The following IL37 variants were observed in gnomAD, a reference collection of about 807,000 sequenced individuals.
IL37 encodes the protein interleukin-37.
A neutral mutation model predicts 15.4 loss-of-function variants in IL37; 15 were observed. The observed-to-expected ratio is 0.98, with a 90% confidence interval of 0.65 to 1.50. The LOEUF is 1.50. Ranked by LOEUF, IL37 falls within the 40% of genes most tolerant of loss-of-function variation. IL37 has a pLI of 0.00. For missense variants in IL37, 269 were observed against 261.7 expected, an observed-to-expected ratio of 1.03 and a Z score of -0.19; for synonymous variants, 98 against 97.4, an observed-to-expected ratio of 1.01 and a Z score of -0.03.
chr2:112,917,496 T>C, intron 4 of IL37, 139 bp from the exon 5 acceptor site: 1 of 970,286 alleles, frequency 1.0e-6, no homozygotes, highest in Non-Finnish European at 1.5e-6. Context: ...AAGAGGAGGC[T>C]TAAACCAGTG....
Position 112,918,591 on chromosome 2 carries a change from A to C in IL37, c.439A>C (p.Lys147Gln). ...KEKLMKLAAQKESARRPFIFY... is the reference protein window; with the variant it reads ...KEKLMKLAAQQESARRPFIFY... ...GAAACTGATGAAGCTGGCTGCCCAA[A>C]AGGAATCAGCACGCCGGCCCTTCAT... Residue 147 changes from lysine to glutamine, a missense_variant, in exon 6 of 6, where the codon AAG becomes CAG. Lys to Gln is a moderately conservative substitution (Grantham distance 53, BLOSUM62 1). Transcript: ENST00000263326. The C allele has an allele frequency of 6.2e-7, 1 of 1,612,644 alleles. No individual in the cohort carries two copies. The highest frequency in any genetic ancestry group is 8.5e-7 in the Non-Finnish European group (1 of 1,179,710).
At chr2:112,915,355 T>A in intron 3 of IL37, 1 of 1,038,374 alleles carries the variant, frequency 9.6e-7, no homozygotes, top group Non-Finnish European at 1.4e-6. Flanking sequence ...CTCAGGAGTG[T>A]GAGGCCCAGG....
intron 3 of IL37, among the ~76,000 whole-genome samples, chr2:112,916,225 C>T (rs1437751565): frequency 6.6e-6 from 1 of 152,204 alleles, no homozygotes; most frequent in African/African-American, 2.4e-5. Context: ...TTCATATTGT[C>T]ACATTTGCCA....
At chr2:112,915,369 C>A in intron 3 of IL37, 1 of 915,202 alleles carries the variant, frequency 1.1e-6, no homozygotes, top group East Asian at 2.8e-5. Flanking sequence ...GCCCAGGTAT[C>A]CATGGTCTTA....
chr2:112,917,633 A>G lies in IL37; in HGVS notation c.266-2A>G. On this transcript the variant is annotated splice_acceptor_variant, in intron 4 of 5. Transcript: ENST00000263326. LOFTEE classifies it high-confidence loss of function. ...ACACATGTTCTGACTGTCTTTTTCCAGAGATCTTCTTTGCATTAGCCTCAT... is the reference window on the plus strand; with the variant it reads ...ACACATGTTCTGACTGTCTTTTTCCGGAGATCTTCTTTGCATTAGCCTCAT... The G allele has an allele frequency of 6.4e-7, 1 of 1,560,906 alleles. No homozygotes were observed. The highest frequency in any genetic ancestry group is 8.7e-7 in the Non-Finnish European group (1 of 1,155,988).
Position 112,911,366 on chromosome 2 carries a change from A to T in IL37, c.-51+118A>T, listed in dbSNP as rs150730271. Among the ~76,000 whole-genome samples the T allele has an allele frequency of 1.5e-3, 223 of 152,274 alleles. 2 individuals carry two copies. In the Middle Eastern group the frequency reaches 0.034, roughly 23 times the overall value. ...CCACTGGAAGCACATCTGAATTTCT[A>T]AATATGATCTCTGAGACCTGCCCAG... On this transcript the variant is annotated intron_variant, in intron 1 of 5. Coordinates refer to ENST00000263326, the MANE Select transcript of IL37 (RefSeq NM_014439.4).
chr2:112,911,997 G>A (rs1683187950), intron 1 of IL37, among the ~76,000 whole-genome samples: 1 of 152,134 alleles, frequency 6.6e-6, no homozygotes, highest in South Asian at 2.1e-4. Flanking sequence ...ACCTGCTCCT[G>A]CTCACCGTCC....
Position 112,917,197 on chromosome 2 carries a change from C to T in IL37, c.214C>T (p.Leu72=). The T allele has an allele frequency of 6.2e-7, 1 of 1,614,036 alleles. No homozygotes were observed. The highest frequency in any genetic ancestry group is 1.1e-5 in the South Asian group (1 of 91,072). The change falls in exon 4 of 6, where the codon CTG becomes TTG. Residue 72 remains leucine (L), a synonymous_variant. Coordinates refer to ENST00000263326, the MANE Select transcript of IL37 (RefSeq NM_014439.4). ...IHDQDHKVLV[L]DSGNLIAVPD... ...TGACCAGGATCACAAAGTACTGGTC[C>T]TGGACTCTGGGAATCTCATAGCAGT... is the stretch of plus-strand genomic sequence containing the variant.
intron 1 of IL37, among the ~76,000 whole-genome samples, chr2:112,912,468 C>G (rs1683198363): frequency 6.6e-6 from 1 of 152,182 alleles, no homozygotes; most frequent in Non-Finnish European, 1.5e-5. Flanking sequence ...AGAGACTCAG[C>G]AAACTTCTAT....
intron 3 of IL37, among the ~76,000 whole-genome samples, chr2:112,914,391 A>T (rs1472503907): frequency 6.6e-6 from 1 of 152,180 alleles, no homozygotes; most frequent in East Asian, 1.9e-4. Flanking sequence ...TAAGTGACAG[A>T]TGTGGAAATT....
intron 3 of IL37, among the ~76,000 whole-genome samples, chr2:112,916,851 G>A (rs1683323847): frequency 6.6e-6 from 1 of 152,188 alleles, no homozygotes; most frequent in Admixed American, 6.5e-5. Flanking sequence ...AGGACATTGA[G>A]GTTTGGAGAG....
intron 1 of IL37, among the ~76,000 whole-genome samples, chr2:112,911,694 C>G (rs949824512): frequency 6.6e-6 from 1 of 152,146 alleles, no homozygotes; most frequent in South Asian, 2.1e-4. Flanking sequence ...TTCATGAGTA[C>G]CCCCGAGGGA....
chr2:112,918,275 C>G (rs1683366894), intron 5 of IL37, among the ~76,000 whole-genome samples: 1 of 151,876 alleles, frequency 6.6e-6, no homozygotes. Flanking sequence ...ATTTTAAAAA[C>G]TATAGAGCTG....
chr2:112,914,113 T>G (rs1186992554), intron 3 of IL37, among the ~76,000 whole-genome samples: 1 of 152,054 alleles, frequency 6.6e-6, no homozygotes, highest in Non-Finnish European at 1.5e-5. Context: ...CTGGGAACCT[T>G]CCAGGTGCCT....
chr2:112,914,412 A>G (rs996528660), intron 3 of IL37, among the ~76,000 whole-genome samples: 3 of 152,212 alleles, frequency 2.0e-5, no homozygotes, highest in African/African-American at 4.8e-5. Context: ...TAAAGGTACT[A>G]TAACGTCTGT....
At chr2:112,916,949 C>T (rs1472870178) in intron 3 of IL37, among the ~76,000 whole-genome samples, 180 bp from the exon 4 acceptor site, 1 of 152,188 alleles carries the variant, frequency 6.6e-6, no homozygotes, top group South Asian at 2.1e-4. Context: ...GCACAGAAAG[C>T]TTAATTGCTT....
intron 3 of IL37, among the ~76,000 whole-genome samples, chr2:112,914,910 C>T (rs1282900714): frequency 6.6e-6 from 1 of 152,224 alleles, no homozygotes; most frequent in African/African-American, 2.4e-5. Flanking sequence ...GGCGCTGAGG[C>T]TCTAGGGGCT....
chr2:112,913,566 G>T (rs1421071100), intron 2 of IL37, among the ~76,000 whole-genome samples: 1 of 152,180 alleles, frequency 6.6e-6, no homozygotes, highest in African/African-American at 2.4e-5. Flanking sequence ...TGTCTACTGA[G>T]GTGTGACGGG....
At chr2:112,915,073 A>G in intron 3 of IL37, 1 of 779,324 alleles carries the variant, frequency 1.3e-6, no homozygotes, top group South Asian at 1.9e-5. Context: ...AACTGCCAGC[A>G]CCTTAAGACC....
Sources: gnomAD v4.1 joint callset for allele counts (sites outside exome capture counted in the v4.1 genomes callset) on GRCh38, gnomAD v4.1.1 for gene constraint, MANE v1.5 for transcripts, NCBI Gene and HGNC (gene_info 2026-07-23, HGNC 2026-07-21) for gene names.